FGGY: variants seen among roughly 807,000 people sequenced by gnomAD.
FGGY encodes FGGY carbohydrate kinase domain containing.
In FGGY, 72 loss-of-function variants were observed where a neutral mutation model predicts 71.3. The ratio of observed to expected loss-of-function variants is 1.01; its 90% CI spans 0.84 to 1.23. The LOEUF is 1.23. FGGY is among the 50% of genes most tolerant of loss of function. The probability of loss-of-function intolerance (pLI) is 0.00; values close to 1 mark genes in which losing one functional copy is unlikely to be tolerated. For missense variants in FGGY, 668 were observed against 682.3 expected (o/e 0.98, Z 0.23); for synonymous variants, 251 against 250.3 (o/e 1.00, Z -0.02).
At chr1:59,757,816 C>A in intron 14 of FGGY, 115 bp from the exon 15 acceptor site, 2 of 640,152 alleles carry the variant, frequency 3.1e-6, no homozygotes, top group East Asian at 2.9e-5. Context: ...AAAAAGAGGA[C>A]TAACCAAATA....
Position 59,460,853 on chromosome 1 carries a change from G to C in FGGY, c.670+3777G>C, listed in dbSNP as rs145625252. Among the ~76,000 whole-genome samples the C allele has an allele frequency of 3.3e-3, 497 of 152,312 alleles. 4 individuals carry two copies. The highest frequency in any genetic ancestry group is 0.011 in the African/African-American group (477 of 41,556). ...CTGCAGCTGAGGAACCTGGCTGTTAGAAGGAACTCTAACAAACAGAAAGGA... is the reference window on the plus strand; with the variant it reads ...CTGCAGCTGAGGAACCTGGCTGTTACAAGGAACTCTAACAAACAGAAAGGA... On this transcript the variant is annotated intron_variant, in intron 6 of 15. Transcript: ENST00000303721.
At chr1:59,657,814 G>A (rs1459107750) in intron 11 of FGGY, among the ~76,000 whole-genome samples, 1 of 152,204 alleles carries the variant, frequency 6.6e-6, no homozygotes, top group Admixed American at 6.5e-5. Flanking sequence ...CTTCTCTGAT[G>A]AGAAAGGGTA....
At chr1:59,654,087 A>G (rs934739582) in intron 11 of FGGY, among the ~76,000 whole-genome samples, 4 of 152,212 alleles carry the variant, frequency 2.6e-5, no homozygotes, top group African/African-American at 7.2e-5. Flanking sequence ...TTGAGGGGAC[A>G]TATTTAGGAT....
chr1:59,720,942 C>T (rs1430463485), intron 14 of FGGY, among the ~76,000 whole-genome samples: 1 of 152,234 alleles, frequency 6.6e-6, no homozygotes. Context: ...CTTCGTTGCT[C>T]TCTTTCCATT....
intron 6 of FGGY, among the ~76,000 whole-genome samples, chr1:59,461,735 C>T (rs943183615): frequency 3.2e-4 from 48 of 152,184 alleles, no homozygotes; most frequent in African/African-American, 1.1e-3. Context: ...GAAACTCTAC[C>T]AGCCAGAAGA....
intron 4 of FGGY, among the ~76,000 whole-genome samples, chr1:59,359,764 C>A (rs2055061445): frequency 6.6e-6 from 1 of 152,140 alleles, no homozygotes; most frequent in Non-Finnish European, 1.5e-5. Flanking sequence ...AACTCTGTGG[C>A]CCTGTCAATA....
At chr1:59,501,504 T>G (rs1242362141) in intron 6 of FGGY, among the ~76,000 whole-genome samples, 1 of 152,214 alleles carries the variant, frequency 6.6e-6, no homozygotes, top group African/African-American at 2.4e-5. Context: ...AGTATTTTCA[T>G]GTATTTCCCA....
At chr1:59,405,476 A>G (rs2062592532) in intron 5 of FGGY, among the ~76,000 whole-genome samples, 1 of 152,212 alleles carries the variant, frequency 6.6e-6, no homozygotes, top group African/African-American at 2.4e-5. Context: ...CCTGACAAAA[A>G]GGTGTTTTAT....
At chr1:59,584,108 C>T (rs1244334512) in intron 8 of FGGY, among the ~76,000 whole-genome samples, 2 of 149,750 alleles carry the variant, frequency 1.3e-5, no homozygotes, top group Non-Finnish European at 1.5e-5. Context: ...GGTACCATTC[C>T]TTCTGAAACT....
intron 8 of FGGY, among the ~76,000 whole-genome samples, chr1:59,581,644 A>G (rs1361493277): frequency 6.7e-6 from 1 of 150,124 alleles, no homozygotes; most frequent in Non-Finnish European, 1.5e-5. Context: ...TACCCTGTCC[A>G]ATTAAAAGTC....
intron 5 of FGGY, among the ~76,000 whole-genome samples, chr1:59,444,851 C>T (rs1325287692): frequency 5.3e-5 from 8 of 152,130 alleles, no homozygotes; most frequent in Admixed American, 5.2e-4. Context: ...GGTCCTGGTG[C>T]CCAAAAGGCT....
intron 7 of FGGY, among the ~76,000 whole-genome samples, chr1:59,524,436 T>C (rs1290757707): frequency 6.6e-6 from 1 of 151,516 alleles, no homozygotes; most frequent in Non-Finnish European, 1.5e-5. Context: ...GCCTGGTGGC[T>C]GGACTGCCAG....
At chr1:59,319,680 G>C (rs2046047087) in intron 1 of FGGY, among the ~76,000 whole-genome samples, 1 of 152,196 alleles carries the variant, frequency 6.6e-6, no homozygotes. Context: ...GGGCAATTGA[G>C]AGCTTATGAG....
chr1:59,747,636 TC>T (rs763722477), intron 14 of FGGY, among the ~76,000 whole-genome samples: 2 of 152,110 alleles, frequency 1.3e-5, no homozygotes, highest in Non-Finnish European at 2.9e-5. Flanking sequence ...AGAAAGTGAG[TC>T]CCAGGGAGGG....
intron 6 of FGGY, among the ~76,000 whole-genome samples, chr1:59,485,913 T>G (rs2093644236): frequency 1.3e-5 from 2 of 152,116 alleles, no homozygotes; most frequent in African/African-American, 4.8e-5. Flanking sequence ...CTCTTAAACT[T>G]TCTGTAAATC....
intron 11 of FGGY, among the ~76,000 whole-genome samples, chr1:59,659,684 T>C (rs938787529): frequency 5.9e-5 from 9 of 152,152 alleles, no homozygotes. Context: ...AAACATCCGA[T>C]TCTGATTGAC....
chr1:59,742,908 T>A (rs1358288460), intron 14 of FGGY, among the ~76,000 whole-genome samples: 1 of 152,284 alleles, frequency 6.6e-6, no homozygotes, highest in Non-Finnish European at 1.5e-5. Context: ...AACTTTTGAA[T>A]GGTTTCCTTG....
At chr1:59,526,727 C>T (rs948480898) in intron 7 of FGGY, among the ~76,000 whole-genome samples, 2 of 152,204 alleles carry the variant, frequency 1.3e-5, no homozygotes, top group Non-Finnish European at 2.9e-5. Flanking sequence ...GGTGTGGCCA[C>T]CTCGCCATTC....
chr1:59,654,846 A>G (rs2097203602), intron 11 of FGGY, among the ~76,000 whole-genome samples: 1 of 152,124 alleles, frequency 6.6e-6, no homozygotes, highest in Non-Finnish European at 1.5e-5. Context: ...GACAGCTACT[A>G]AGTTGCAAGA....
Sources: gnomAD v4.1 joint callset for allele counts (sites outside exome capture counted in the v4.1 genomes callset) on GRCh38, gnomAD v4.1.1 for gene constraint, MANE v1.5 for transcripts, NCBI Gene and HGNC (gene_info 2026-07-23, HGNC 2026-07-21) for gene names.